The following BRMS1L variants were observed in gnomAD, a reference collection of about 807,000 sequenced individuals.
BRMS1L encodes breast cancer metastasis-suppressor 1-like protein.
In BRMS1L, 23 loss-of-function variants were observed where a neutral mutation model predicts 50.3. The observed-to-expected ratio is 0.46, with a 90% confidence interval of 0.33 to 0.65. The LOEUF (loss-of-function observed/expected upper bound fraction) is 0.65, where lower values mean the gene tolerates loss of function less well. Among genes scored for constraint, BRMS1L ranks in the 30% least tolerant of loss-of-function variants. The pLI, the probability that BRMS1L is intolerant of heterozygous loss-of-function variation, is 0.02. For synonymous variants in BRMS1L, 114 were observed against 126.9 expected (o/e 0.90, Z 0.69); for missense variants, 286 against 386.1 (o/e 0.74, Z 2.17).
At position 35,863,874 on chromosome 14, in the gene BRMS1L, G is replaced by A; in HGVS notation, c.543G>A (p.Leu181=). 5 of 1,613,770 alleles carry A rather than the reference G, an allele frequency of 3.1e-6. No homozygotes were observed. Among genetic ancestry groups the A allele is most frequent in the Non-Finnish European group, 2.5e-6 (3 of 1,179,822 alleles). Residue 181 remains leucine, a synonymous_variant, in exon 6 of 10, where the codon CTG becomes CTA. Coordinates refer to ENST00000216807, the MANE Select transcript of BRMS1L (RefSeq NM_032352.4). ...DRHSIDITSE[L]WNDELQSRKK... ...TAATCTTTATTTACCTGCCAGAGCT[G>A]TGGAATGATGAGCTTCAGTCAAGAA...
chr14:35,852,963 A>G (rs1342337590), intron 4 of BRMS1L, among the ~76,000 whole-genome samples: 3 of 150,110 alleles, frequency 2.0e-5, no homozygotes, highest in East Asian at 2.0e-4. Context: ...ATCACCTTGT[A>G]TTTCTATCAG....
intron 4 of BRMS1L, among the ~76,000 whole-genome samples, chr14:35,860,116 G>A (rs532097916): frequency 3.0e-4 from 46 of 152,072 alleles, no homozygotes; most frequent in African/African-American, 1.1e-3. Context: ...AAAATATTCA[G>A]GATATAGTTA....
chr14:35,837,985 T>C (rs2078016421), intron 4 of BRMS1L, among the ~76,000 whole-genome samples: 3 of 152,232 alleles, frequency 2.0e-5, no homozygotes, highest in Admixed American at 2.0e-4. Flanking sequence ...CAACCCATCA[T>C]CTACATTAGG....
intron 4 of BRMS1L, among the ~76,000 whole-genome samples, chr14:35,859,665 A>T (rs1009524659): frequency 5.9e-5 from 9 of 152,000 alleles, no homozygotes; most frequent in African/African-American, 1.9e-4. Context: ...ATTTTTTTTT[A>T]AAGAGACAGA....
At position 35,826,449 on chromosome 14, in the gene BRMS1L, C is replaced by T. The variant is rs2077843319; in HGVS notation, c.-68C>T. The stretch of plus-strand genomic sequence containing the variant: ...GCTGGGTGGGTTGGGGCGTTCCGCG[C>T]GCCCTTCATTGAAGCGGCGGTGGCC... On this transcript the variant is annotated 5_prime_UTR_variant, in exon 1 of 10. Coordinates refer to ENST00000216807, the MANE Select transcript of BRMS1L (RefSeq NM_032352.4). 4 of 1,546,368 alleles carry T rather than the reference C, an allele frequency of 2.6e-6. No homozygotes were observed. The highest frequency in any genetic ancestry group is 2.4e-5 in the East Asian group (1 of 41,022).
chr14:35,860,089 T>C (rs1212240555), intron 4 of BRMS1L, among the ~76,000 whole-genome samples: 1 of 152,212 alleles, frequency 6.6e-6, no homozygotes, highest in Non-Finnish European at 1.5e-5. Flanking sequence ...TAATGTAAAT[T>C]GTATAATGTA....
At chr14:35,856,171 A>G (rs1457267232) in intron 4 of BRMS1L, among the ~76,000 whole-genome samples, 3 of 152,244 alleles carry the variant, frequency 2.0e-5, no homozygotes, top group Non-Finnish European at 2.9e-5. Context: ...CAGAGACTGG[A>G]CATGTTCACA....
rs2078494792 is a variant in BRMS1L, at chr14:35,871,771, C to T, written c.*1294C>T. The T allele has an allele frequency of 6.6e-6, 1 of 152,670 alleles. No homozygotes were observed. Among genetic ancestry groups the T allele is most frequent in the Admixed American group, 6.5e-5 (1 of 15,284 alleles). The allele number at this position is 152,670 out of a possible 1,614,324, so 9.5% of individuals were successfully genotyped here. On this transcript the variant is annotated 3_prime_UTR_variant, in exon 10 of 10. Transcript: ENST00000216807. ...TTCATAGTTGCCAAATTTTAAAACA[C>T]TTAACTGCTGAAATTCAGTGTCAGC...
In BRMS1L at chr14:35,865,728, G is replaced by A; in HGVS notation, c.694G>A (p.Ala232Thr). The change falls in exon 8 of 10, where the codon GCT becomes ACT. Residue 232 changes from alanine (A) to threonine (T), a missense_variant. Ala to Thr is a moderately conservative substitution (Grantham distance 58, BLOSUM62 0). Transcript: ENST00000216807. ...TTTTTTTTTTTTAATTAAGGCAATG[G>A]CTACATTGGGGCCACACAGAGTGAA... ...EDWTTIRKAMATLGPHRVKTE... is the reference protein window; with the variant it reads ...EDWTTIRKAMTTLGPHRVKTE... 6.3e-7 allele frequency: 1 copy of A among 1,583,756 alleles called. No individual in the cohort carries two copies.
Position 35,868,012 on chromosome 14 carries a change from A to C in BRMS1L, c.834A>C (p.Lys278Asn). ...YIRGQTICID[K>N]KDECPTSAVI... is the part of the protein sequence containing the mutation. ...GTGGACAAACAATATGTATTGATAA[A>C]AAAGATGAATGTCCTACAAGGTAAA... is the stretch of plus-strand genomic sequence containing the variant. The change falls in exon 9 of 10, where the codon AAA becomes AAC. Residue 278 changes from lysine (K) to asparagine (N), a missense_variant. Physicochemically the swap from Lys to Asn is moderately conservative, Grantham distance 94. Transcript: ENST00000216807. 1 of 1,601,924 alleles carries C rather than the reference A, an allele frequency of 6.2e-7. No individual in the cohort carries two copies. Among genetic ancestry groups the C allele is most frequent in the Non-Finnish European group, 8.5e-7 (1 of 1,176,554 alleles).
At chr14:35,837,905 G>C (rs532712056) in intron 4 of BRMS1L, among the ~76,000 whole-genome samples, 2 of 152,170 alleles carry the variant, frequency 1.3e-5, no homozygotes, top group South Asian at 4.2e-4. Flanking sequence ...TCAAGTTCTA[G>C]GATACGTGTG....
chr14:35,837,834 G>T (rs893823929), intron 4 of BRMS1L, among the ~76,000 whole-genome samples: 4 of 152,112 alleles, frequency 2.6e-5, no homozygotes, highest in Non-Finnish European at 4.4e-5. Flanking sequence ...TTACAGGCTT[G>T]AGCCACCATG....
At chr14:35,870,218 T>C (rs1201436076) in intron 9 of BRMS1L, 142 bp from the exon 10 acceptor site, 2 of 559,936 alleles carry the variant, frequency 3.6e-6, no homozygotes, top group Non-Finnish European at 6.5e-6. Flanking sequence ...ACTGCTGATA[T>C]GCAGCATTCT....
chr14:35,828,507 C>G (rs2142034358), intron 1 of BRMS1L, among the ~76,000 whole-genome samples: 1 of 105,398 alleles, frequency 9.5e-6, no homozygotes, highest in Middle Eastern at 9.6e-3. Context: ...GAGTTTTGCT[C>G]TTGGCACCCA....
At chr14:35,853,345 A>G (rs2078238000) in intron 4 of BRMS1L, among the ~76,000 whole-genome samples, 1 of 151,816 alleles carries the variant, frequency 6.6e-6, no homozygotes, top group Non-Finnish European at 1.5e-5. Flanking sequence ...TTAACTGGTA[A>G]ATTTAGTCCA....
rs760476835 is a variant in BRMS1L, at chr14:35,826,691, C to T, written c.142+33C>T. 23 of 1,601,542 alleles carry T rather than the reference C, an allele frequency of 1.4e-5. No homozygotes were observed. The South Asian group carries it at 2.6e-4, about 18-fold the overall frequency. On this transcript the variant is annotated intron_variant, in intron 1 of 9. Transcript: ENST00000216807. The stretch of plus-strand genomic sequence containing the variant: ...ACCCACTGCTGGGACCCTGAGTCCC[C>T]GCGCCCAGCGCGCGACAGGCCGCTC...
At chr14:35,865,521 C>T (rs1001584534) in intron 7 of BRMS1L, among the ~76,000 whole-genome samples, 36 of 151,970 alleles carry the variant, frequency 2.4e-4, no homozygotes, top group African/African-American at 8.7e-4. Flanking sequence ...GTATTGAAAA[C>T]ACCTCTAGGA....
intron 1 of BRMS1L, among the ~76,000 whole-genome samples, chr14:35,827,704 T>C (rs1016959327): frequency 6.6e-6 from 1 of 152,260 alleles, no homozygotes; most frequent in Non-Finnish European, 1.5e-5. Flanking sequence ...TAAAAAGCTA[T>C]CATAAGTCAC....
At chr14:35,864,809 G>C (rs1158835354) in intron 6 of BRMS1L, 126 bp from the exon 7 acceptor site, 4 of 690,284 alleles carry the variant, frequency 5.8e-6, no homozygotes, top group Non-Finnish European at 9.9e-6. Context: ...ATAATTTGAA[G>C]TCAGAATTTA....
Sources: allele counts gnomAD v4.1 joint callset (sites outside exome capture counted in the v4.1 genomes callset), GRCh38; gene constraint gnomAD v4.1.1; transcripts MANE v1.5; gene names NCBI Gene and HGNC (gene_info 2026-07-23, HGNC 2026-07-21).